Variants in DPP6 observed in about 807,000 individuals in gnomAD.
DPP6 encodes dipeptidyl peptidase like 6.
Under a neutral mutation model 122.6 loss-of-function variants are expected in DPP6, and 69 were observed. The observed-to-expected ratio is 0.56, with a 90% CI of 0.46 to 0.69. The LOEUF (loss-of-function observed/expected upper bound fraction) is 0.69. DPP6 is among the 30% of genes least tolerant of loss of function. The pLI is 0.00. For synonymous variants in DPP6, 418 were observed against 433.1 expected, an observed-to-expected ratio of 0.97 and a Z score of 0.43; for missense variants, 928 against 1,116.9, an observed-to-expected ratio of 0.83 and a Z score of 2.41.
intron 20 of DPP6, among the ~76,000 whole-genome samples, chr7:154,880,071 C>T (rs1222792846): frequency 6.6e-6 from 1 of 152,188 alleles, no homozygotes; most frequent in Non-Finnish European, 1.5e-5. Context: ...TCTCTAACTC[C>T]ACACTTGACA....
At chr7:154,634,621 C>T (rs1261904046) in intron 5 of DPP6, among the ~76,000 whole-genome samples, 1 of 147,458 alleles carries the variant, frequency 6.8e-6, no homozygotes, top group Non-Finnish European at 1.5e-5. Flanking sequence ...AAGCAGTTCT[C>T]TCCTCCTCCT....
chr7:154,553,107 T>G (rs1168796146), intron 4 of DPP6, among the ~76,000 whole-genome samples: 7 of 152,034 alleles, frequency 4.6e-5, no homozygotes, highest in Admixed American at 2.6e-4. Context: ...AAGAAAGGGG[T>G]TTGTAGAAGG....
At chr7:154,442,108 T>G (rs1464387639) in intron 1 of DPP6, among the ~76,000 whole-genome samples, 1 of 152,214 alleles carries the variant, frequency 6.6e-6, no homozygotes, top group African/African-American at 2.4e-5. Context: ...CATCCATCAA[T>G]GATTGCCTTT....
intron 1 of DPP6, among the ~76,000 whole-genome samples, chr7:154,035,714 C>T (rs1179782037): frequency 6.6e-6 from 1 of 152,150 alleles, no homozygotes; most frequent in South Asian, 2.1e-4. Context: ...AAAGTTACAG[C>T]CAAGGCACAG....
At chr7:153,786,093 A>C in the DPP6 span, among the ~76,000 whole-genome samples, 1 of 152,164 alleles carries the variant, frequency 6.6e-6, no homozygotes, top group South Asian at 2.1e-4. Flanking sequence ...TCTTTTGTGC[A>C]TTTATTTTAT....
chr7:154,879,848 A>G (rs1180718160), intron 20 of DPP6, among the ~76,000 whole-genome samples: 1 of 152,146 alleles, frequency 6.6e-6, no homozygotes, highest in Non-Finnish European at 1.5e-5. Context: ...ATACTGTGTA[A>G]ACAGGGCCCC....
rs183342017 is a variant in DPP6, at chr7:153,989,346, T to G, written c.51+101612T>G. The stretch of plus-strand genomic sequence containing the variant: ...TTGTGTGAGTGTGAGTGTGCAAGTG[T>G]GTGAGTGTGGGGGAGTGAGTATGGG... On this transcript the variant is annotated intron_variant, in intron 1 of 25. Transcript: ENST00000404039. Among the ~76,000 whole-genome samples, 13 of 150,752 alleles carry G rather than the reference T, an allele frequency of 8.6e-5. No individual in the cohort carries two copies. The East Asian group carries it at 2.6e-3, about 31-fold the overall frequency.
At position 154,221,184 on chromosome 7, in the gene DPP6, A is replaced by C. The variant is rs1157092363; in HGVS notation, c.243+168121A>C. On this transcript the variant is annotated intron_variant, in intron 1 of 25. Transcript: ENST00000377770. ...AAGACAGAGTCTCGTTCTATCACCC[A>C]GGCTGGAGTGCAGTGGTACGACCTC... Among the ~76,000 whole-genome samples the C allele has an allele frequency of 2.0e-5, 3 of 152,230 alleles. No individual in the cohort carries two copies. In the East Asian group the frequency reaches 5.8e-4, roughly 29 times the overall value.
intron 1 of DPP6, among the ~76,000 whole-genome samples, chr7:154,272,916 C>T (rs1803886409): frequency 6.6e-6 from 1 of 152,196 alleles, no homozygotes; most frequent in Non-Finnish European, 1.5e-5. Flanking sequence ...TGGAGCTCCT[C>T]ACAAAAGTCT....
chr7:153,949,595 A>C (rs1305681090), intron 1 of DPP6, among the ~76,000 whole-genome samples: 1 of 152,192 alleles, frequency 6.6e-6, no homozygotes, highest in Admixed American at 6.5e-5. Context: ...GTCTCTTCAA[A>C]AAAACTGAGC....
chr7:153,918,837 G>C (rs938167297), intron 1 of DPP6, among the ~76,000 whole-genome samples: 3 of 151,754 alleles, frequency 2.0e-5, no homozygotes, highest in African/African-American at 7.3e-5. Context: ...AAATTAGCTG[G>C]GCATGGTGGT....
intron 1 of DPP6, among the ~76,000 whole-genome samples, chr7:154,004,844 C>T (rs929221376): frequency 2.0e-5 from 3 of 152,088 alleles, no homozygotes; most frequent in African/African-American, 4.8e-5. Context: ...ATTTTGCTTT[C>T]TCATAGATAT....
At chr7:153,762,946 A>G in the DPP6 span, among the ~76,000 whole-genome samples, 1 of 152,156 alleles carries the variant, frequency 6.6e-6, no homozygotes, top group Non-Finnish European at 1.5e-5. Flanking sequence ...CTCTTTTGGA[A>G]ACTTGAACAA....
chr7:154,212,265 G>T (rs965169690), intron 1 of DPP6, among the ~76,000 whole-genome samples: 1 of 152,084 alleles, frequency 6.6e-6, no homozygotes, highest in African/African-American at 2.4e-5. Context: ...GTTTCCCCAG[G>T]CGCTTTCAAC....
chr7:154,190,434 T>C (rs1381505049), intron 1 of DPP6, among the ~76,000 whole-genome samples: 1 of 152,190 alleles, frequency 6.6e-6, no homozygotes, highest in Non-Finnish European at 1.5e-5. Flanking sequence ...CAAAAGGTGA[T>C]GGGTTCCTGG....
At chr7:154,159,243 C>T (rs1256266436) in intron 1 of DPP6, among the ~76,000 whole-genome samples, 1 of 152,210 alleles carries the variant, frequency 6.6e-6, no homozygotes, top group Non-Finnish European at 1.5e-5. Flanking sequence ...TCTTGGCGTT[C>T]ATCCTCGCCA....
At chr7:154,123,059 C>T (rs1419811308) in intron 1 of DPP6, among the ~76,000 whole-genome samples, 1 of 152,172 alleles carries the variant, frequency 6.6e-6, no homozygotes, top group Admixed American at 6.5e-5. Context: ...AAGGGTCGGA[C>T]ACCTGGACTG....
At chr7:153,986,408 A>G (rs1027920989) in intron 1 of DPP6, among the ~76,000 whole-genome samples, 3 of 152,046 alleles carry the variant, frequency 2.0e-5, no homozygotes, top group African/African-American at 7.3e-5. Context: ...TGGATACACA[A>G]TTTTTAATTA....
chr7:154,311,611 A>T (rs1053928349), intron 1 of DPP6, among the ~76,000 whole-genome samples: 2 of 152,174 alleles, frequency 1.3e-5, no homozygotes, highest in African/African-American at 4.8e-5. Context: ...CCTGACTTTG[A>T]TAGCATGTGT....
Sources: gnomAD v4.1 joint callset for allele counts (sites outside exome capture counted in the v4.1 genomes callset) on GRCh38, gnomAD v4.1.1 for gene constraint, MANE v1.5 for transcripts, NCBI Gene and HGNC (gene_info 2026-07-23, HGNC 2026-07-21) for gene names.